The following UGT1A10 variants were observed in gnomAD, a reference collection of about 807,000 sequenced individuals.
UGT1A10 encodes UDP-glucuronosyltransferase 1A10.
Under a neutral mutation model 45.8 loss-of-function variants are expected in UGT1A10, and 49 were observed. That is an observed-to-expected ratio of 1.07 (90% CI 0.85 to 1.36). UGT1A10 has a LOEUF of 1.36. Ranked by LOEUF, UGT1A10 falls within the 40% of genes most tolerant of loss-of-function variation. The pLI, the probability that UGT1A10 is intolerant of heterozygous loss-of-function variation, is 0.00. For synonymous variants in UGT1A10, 284 were observed against 249.7 expected, an observed-to-expected ratio of 1.14 and a Z score of -1.29; for missense variants, 745 against 668.6, an observed-to-expected ratio of 1.11 and a Z score of -1.26.
intron 1 of UGT1A10, among the ~76,000 whole-genome samples, chr2:233,646,339 G>A (rs1039122762): frequency 1.3e-5 from 2 of 152,138 alleles, no homozygotes; most frequent in Admixed American, 6.5e-5. Context: ...ATGGTTTTGG[G>A]GATTAACATT....
intron 1 of UGT1A10, chr2:233,648,836 A>G (rs1171310908): frequency 8.9e-7 from 1 of 1,122,398 alleles, no homozygotes; most frequent in Non-Finnish European, 1.3e-6. Context: ...TTTTGCCCAT[A>G]TTTTTTCAAA....
chr2:233,726,367 A>C (rs994250212), intron 1 of UGT1A10, among the ~76,000 whole-genome samples: 1 of 152,216 alleles, frequency 6.6e-6, no homozygotes, highest in Non-Finnish European at 1.5e-5. Flanking sequence ...AAACACAACA[A>C]AAACCAAAAT....
chr2:233,687,101 G>A (rs6736508), intron 1 of UGT1A10, among the ~76,000 whole-genome samples: 59,808 of 152,056 alleles, frequency 0.39, 11,951 homozygotes, highest in South Asian at 0.45. Flanking sequence ...TGACACTTGC[G>A]TAAACTTGGG....
At chr2:233,690,770 CA>C (rs1350118707) in intron 1 of UGT1A10, 12 of 1,084,308 alleles carry the variant, frequency 1.1e-5, no homozygotes, top group African/African-American at 1.0e-4. Context: ...TACACACACA[CA>C]CACATACACA....
intron 1 of UGT1A10, among the ~76,000 whole-genome samples, chr2:233,704,904 C>G (rs2075812559): frequency 6.6e-6 from 1 of 152,134 alleles, no homozygotes; most frequent in African/African-American, 2.4e-5. Context: ...AAGGCTGAGG[C>G]AGGTGGATCA....
At chr2:233,737,978 G>C (rs1166842032) in intron 1 of UGT1A10, among the ~76,000 whole-genome samples, 1 of 152,014 alleles carries the variant, frequency 6.6e-6, no homozygotes, top group East Asian at 1.9e-4. Context: ...ATTTAATATG[G>C]TTTGGCTCTG....
chr2:233,772,478 T>C lies in UGT1A10; in HGVS notation c.1512T>C (p.Phe504=). ...AVVLTVAFIT[F]KCCAYGYRKC... Reference sequence around the variant, plus strand: ...TGCTGACAGTGGCCTTCATCACCTTTAAATGTTGTGCTTATGGCTACCGGA... The same window carrying C: ...TGCTGACAGTGGCCTTCATCACCTTCAAATGTTGTGCTTATGGCTACCGGA... The change falls in exon 5 of 5, where the codon TTT becomes TTC. Residue 504 remains phenylalanine (F), a synonymous_variant. Transcript: ENST00000344644. 1 of 1,614,184 alleles carries C rather than the reference T, an allele frequency of 6.2e-7. No homozygotes were observed. Among genetic ancestry groups the C allele is most frequent in the South Asian group, 1.1e-5 (1 of 91,086 alleles).
intron 1 of UGT1A10, among the ~76,000 whole-genome samples, chr2:233,654,966 C>T (rs1295901027): frequency 6.6e-6 from 1 of 152,054 alleles, no homozygotes; most frequent in Non-Finnish European, 1.5e-5. Flanking sequence ...TGGCGGGCAT[C>T]TGTAATCATA....
chr2:233,691,781 C>T (rs977345614), intron 1 of UGT1A10: 4 of 282,536 alleles, frequency 1.4e-5, no homozygotes, highest in Non-Finnish European at 2.1e-5. Context: ...TCACCACGTA[C>T]TGGCTAGACT....
At chr2:233,682,226 C>T (rs1262498281) in intron 1 of UGT1A10, 5 of 1,614,078 alleles carry the variant, frequency 3.1e-6, no homozygotes, top group African/African-American at 1.3e-5. Context: ...TGCCGATGCT[C>T]GCTGGACGGC....
At position 233,691,024 on chromosome 2, in the gene UGT1A10, G is replaced by C; in HGVS notation, c.855+53647G>C. The C allele has an allele frequency of 7.1e-6, 7 of 991,444 alleles. 1 individual carries two copies. The highest frequency in any genetic ancestry group is 8.4e-6 in the Non-Finnish European group (7 of 834,158). The allele number at this position is 991,444 out of a possible 1,614,324, so 61.4% of individuals were successfully genotyped here. A position where few individuals can be genotyped will look rare whatever the true frequency, so the allele number is the denominator to read the frequency against. On this transcript the variant is annotated intron_variant, in intron 1 of 4. Transcript: ENST00000344644. ...TTCAGAGCAAGGCTGTGGTTGGAAG[G>C]GCTCAGACCAACGTCCACAGCAGAG...
At chr2:233,752,571 C>A (rs1486074220) in intron 1 of UGT1A10, 2 of 152,178 alleles carry the variant, frequency 1.3e-5, no homozygotes, top group African/African-American at 2.4e-5. Flanking sequence ...AGTGGGTCAA[C>A]ATCATTCCCA....
intron 1 of UGT1A10, among the ~76,000 whole-genome samples, chr2:233,699,432 C>T (rs1270812832): frequency 6.6e-6 from 1 of 152,144 alleles, no homozygotes; most frequent in Admixed American, 6.5e-5. Context: ...TTAGAAGGGT[C>T]ATTGGAGTGT....
chr2:233,649,131 A>G (rs1239656479), intron 1 of UGT1A10: 4 of 682,388 alleles, frequency 5.9e-6, no homozygotes, highest in African/African-American at 5.6e-5. Flanking sequence ...TGCATCTAAA[A>G]TTTCTTTTCT....
chr2:233,693,363 GC>G, intron 1 of UGT1A10: 1 of 1,614,086 alleles, frequency 6.2e-7, no homozygotes, highest in Non-Finnish European at 8.5e-7. Context: ...ATTGTTATTG[GC>G]CTGTACTTCA....
chr2:233,767,784 A>C, intron 2 of UGT1A10, 65 bp from the exon 3 acceptor site: 1 of 1,613,694 alleles, frequency 6.2e-7, no homozygotes, highest in East Asian at 2.2e-5. Flanking sequence ...TAGTTAGTAT[A>C]GCAGATTTGT....
intron 1 of UGT1A10, among the ~76,000 whole-genome samples, chr2:233,667,680 T>A (rs549388048): frequency 6.6e-6 from 1 of 152,044 alleles, no homozygotes; most frequent in Non-Finnish European, 1.5e-5. Flanking sequence ...CAGACAAATT[T>A]ACAAGAAAAA....
intron 4 of UGT1A10, 143 bp downstream of exon 4, chr2:233,768,582 CTTTTT>C: frequency 1.9e-3 from 1,917 of 1,027,810 alleles, no homozygotes; most frequent in East Asian, 5.4e-3. Flanking sequence ...TTTATTTCTT[CTTTTT>C]TTTTTTTTTT....
intron 1 of UGT1A10, among the ~76,000 whole-genome samples, chr2:233,670,849 A>G (rs953528936): frequency 1.3e-5 from 2 of 152,182 alleles, no homozygotes; most frequent in Non-Finnish European, 2.9e-5. Context: ...GCAAGATATT[A>G]CCTGACTTCA....
Sources: allele counts gnomAD v4.1 joint callset (sites outside exome capture counted in the v4.1 genomes callset), GRCh38; gene constraint gnomAD v4.1.1; transcripts MANE v1.5; gene names NCBI Gene and HGNC (gene_info 2026-07-23, HGNC 2026-07-21).